The following PLCE1 variants were observed in gnomAD, a reference collection of about 807,000 sequenced individuals.
PLCE1 encodes 1-phosphatidylinositol 4,5-bisphosphate phosphodiesterase epsilon-1.
A neutral mutation model predicts 242.8 loss-of-function variants in PLCE1; 119 were observed. The observed-to-expected ratio is 0.49, with a 90% CI of 0.42 to 0.57. PLCE1 has a LOEUF of 0.57. Ranked by LOEUF, PLCE1 falls within the 20% of genes least tolerant of loss-of-function variation. The pLI, the probability that PLCE1 is intolerant of heterozygous loss-of-function variation, is 0.00. For synonymous variants in PLCE1, 945 were observed against 1,017.4 expected (o/e 0.93, Z 1.35); for missense variants, 2,441 against 2,788.8 (o/e 0.88, Z 2.81).
chr10:94,160,570 GC>G (rs2047578451), intron 3 of PLCE1, among the ~76,000 whole-genome samples: 1 of 152,120 alleles, frequency 6.6e-6, no homozygotes, highest in Non-Finnish European at 1.5e-5. Flanking sequence ...TCTGCAGGTT[GC>G]CTGTTCACTC....
intron 3 of PLCE1, among the ~76,000 whole-genome samples, chr10:94,135,448 C>T (rs559820166): frequency 3.4e-4 from 51 of 152,092 alleles, no homozygotes; most frequent in African/African-American, 1.2e-3. Context: ...TAGTATGTGT[C>T]CTGTGGCATA....
At chr10:94,178,913 C>T (rs779382393) in intron 4 of PLCE1, among the ~76,000 whole-genome samples, 1 of 152,158 alleles carries the variant, frequency 6.6e-6, no homozygotes, top group African/African-American at 2.4e-5. Context: ...TCAAAGTTTT[C>T]CCCCTCTTTT....
rs1381945637 is a variant in PLCE1, at chr10:94,171,375, T to C, written c.1688T>C (p.Leu563Ser). The C allele has an allele frequency of 9.3e-6, 15 of 1,614,186 alleles. No homozygotes were observed. The highest frequency in any genetic ancestry group is 1.3e-5 in the African/African-American group (1 of 75,044). ...VDYLCFLTRD[L>S]GTPECQSSLP... ...TACCTTTGCTTCTTAACACGGGACT[T>C]GGGCACTCCTGAATGCCAGAGCTCC... Residue 563 changes from leucine to serine, a missense_variant, in exon 4 of 33, where the codon TTG becomes TCG. This residue lies in a region of PLCE1 where 733 missense variants were observed against 754.2 expected (regional missense o/e 0.97). Coordinates refer to ENST00000371380, the MANE Select transcript of PLCE1 (RefSeq NM_016341.4).
chr10:94,272,375 G>C (rs2051778119), intron 18 of PLCE1, among the ~76,000 whole-genome samples: 1 of 152,166 alleles, frequency 6.6e-6, no homozygotes, highest in South Asian at 2.1e-4. Flanking sequence ...GAAAAATATG[G>C]CTCTTTTTGC....
chr10:94,205,059 C>T (rs1275098993), intron 4 of PLCE1, among the ~76,000 whole-genome samples: 2 of 152,178 alleles, frequency 1.3e-5, no homozygotes, highest in African/African-American at 4.8e-5. Context: ...CCTGGTATGA[C>T]TTTTAAGATG....
intron 4 of PLCE1, among the ~76,000 whole-genome samples, chr10:94,215,211 C>T (rs572839154): frequency 8.5e-4 from 129 of 152,294 alleles, no homozygotes; most frequent in African/African-American, 2.9e-3. Flanking sequence ...GCCTTACTTC[C>T]TGTACTGGAG....
At chr10:94,240,507 A>T (rs2050466041) in intron 7 of PLCE1, among the ~76,000 whole-genome samples, 1 of 152,206 alleles carries the variant, frequency 6.6e-6, no homozygotes, top group African/African-American at 2.4e-5. Flanking sequence ...GCTAGATTTT[A>T]TTAGAGAGAA....
rs1171944497 is a variant in PLCE1, at chr10:94,265,714, T to A, written c.4115+6T>A. 22 of 1,613,846 alleles carry A rather than the reference T, an allele frequency of 1.4e-5. No homozygotes were observed. The highest frequency in any genetic ancestry group is 1.9e-5 in the Non-Finnish European group (22 of 1,179,768). On this transcript the variant is annotated splice_donor_region_variant and intron_variant, in intron 15 of 32. Transcript: ENST00000371380. ...TCATTTGAAGGGTTTGCCAGGTAAC[T>A]TTTAAAATATCTTTTGCCCATCTTT...
At chr10:94,044,460 T>C (rs1281634417) in intron 2 of PLCE1, among the ~76,000 whole-genome samples, 1 of 151,970 alleles carries the variant, frequency 6.6e-6, no homozygotes, top group African/African-American at 2.4e-5. Flanking sequence ...TGAATGGAGG[T>C]GAAAGGAGAT....
intron 20 of PLCE1, chr10:94,283,022 T>C (rs976918208): frequency 6.6e-6 from 1 of 152,282 alleles, no homozygotes; most frequent in Admixed American, 6.6e-5. Context: ...GTCTAATCGT[T>C]TGTGCTCTGA....
intron 22 of PLCE1, chr10:94,287,369 G>A (rs1307121142): frequency 1.3e-5 from 2 of 148,802 alleles, no homozygotes; most frequent in Non-Finnish European, 3.0e-5. Flanking sequence ...ACTATAAACT[G>A]TTCATTTTGC....
chr10:94,105,670 T>A (rs548085995), intron 2 of PLCE1: 1 of 152,184 alleles, frequency 6.6e-6, no homozygotes, highest in Non-Finnish European at 1.5e-5. Flanking sequence ...CTGAAAGCAC[T>A]CAATAAATAT....
intron 3 of PLCE1, among the ~76,000 whole-genome samples, chr10:94,135,301 G>A (rs2046734822): frequency 6.6e-6 from 1 of 152,144 alleles, no homozygotes; most frequent in South Asian, 2.1e-4. Context: ...GGTCTTCAAA[G>A]TCAAAGAGTG....
chr10:94,267,859 A>T (rs1350354713), intron 16 of PLCE1, among the ~76,000 whole-genome samples: 1 of 152,240 alleles, frequency 6.6e-6, no homozygotes, highest in African/African-American at 2.4e-5. Flanking sequence ...GGAAGAATAT[A>T]GCACTTATCC....
chr10:94,136,333 A>G (rs2046774392), intron 3 of PLCE1, among the ~76,000 whole-genome samples: 1 of 152,230 alleles, frequency 6.6e-6, no homozygotes, highest in South Asian at 2.1e-4. Context: ...GTTGCACAGC[A>G]ATATGAATTT....
At chr10:94,184,782 T>C (rs1564766801) in intron 4 of PLCE1, among the ~76,000 whole-genome samples, 1 of 152,198 alleles carries the variant, frequency 6.6e-6, no homozygotes, top group Non-Finnish European at 1.5e-5. Context: ...TCTCAGACCA[T>C]ATCACAGCTA....
At chr10:94,181,845 G>A (rs929879362) in intron 4 of PLCE1, among the ~76,000 whole-genome samples, 2 of 123,646 alleles carry the variant, frequency 1.6e-5, no homozygotes, top group African/African-American at 9.3e-5. Context: ...TTGGGCCCAG[G>A]AATTGAGGCT....
intron 3 of PLCE1, among the ~76,000 whole-genome samples, chr10:94,132,927 G>A (rs1411346809): frequency 7.3e-6 from 1 of 137,504 alleles, no homozygotes; most frequent in Non-Finnish European, 1.5e-5. Flanking sequence ...TCTAGCCTAG[G>A]CAACAGAGTG....
At chr10:94,157,236 G>A (rs750594419) in intron 3 of PLCE1, among the ~76,000 whole-genome samples, 2 of 152,158 alleles carry the variant, frequency 1.3e-5, no homozygotes, top group Admixed American at 6.5e-5. Context: ...TCTCCTCGTC[G>A]AGCTTCTAAG....
Sources: allele counts gnomAD v4.1 joint callset (sites outside exome capture counted in the v4.1 genomes callset), GRCh38; gene constraint gnomAD v4.1.1; regional missense constraint gnomAD v4.1.1; transcripts MANE v1.5; gene names NCBI Gene and HGNC (gene_info 2026-07-23, HGNC 2026-07-21).